The following TNRC18 variants were observed in gnomAD, a reference collection of about 807,000 sequenced individuals.
The protein encoded by TNRC18 is trinucleotide repeat-containing gene 18 protein.
Under a neutral mutation model 226.7 loss-of-function variants are expected in TNRC18, and 69 were observed. The observed-to-expected ratio is 0.30, with a 90% confidence interval of 0.25 to 0.37. TNRC18 has a LOEUF of 0.37. Ranked by LOEUF, TNRC18 falls within the 10% of genes least tolerant of loss-of-function variation. The pLI is 1.00. For synonymous variants in TNRC18, 2,449 were observed against 1,927.6 expected, an observed-to-expected ratio of 1.27 and a Z score of -7.09; for missense variants, 4,754 against 4,256.6, an observed-to-expected ratio of 1.12 and a Z score of -3.25.
At chr7:5,419,645 C>G (rs766600833) in intron 2 of TNRC18, among the ~76,000 whole-genome samples, 6 of 152,078 alleles carry the variant, frequency 3.9e-5, no homozygotes, top group Admixed American at 2.6e-4. Context: ...GGGCGGAATA[C>G]GCCCCCAGCT....
Position 5,345,640 on chromosome 7 carries a change from C to T in TNRC18, c.5641G>A (p.Val1881Met). ...FAASALPSPT[V>M]GPSLSVVQLE... ...TGTACCACAGACAGGGATGGACCCA[C>T]CGTGGGGCTGGGGAGGGCGCTGGCG... is the stretch of plus-strand genomic sequence containing the variant. Residue 1881 changes from valine to methionine, a missense_variant, in exon 18 of 30, where the codon GTG becomes ATG. Coordinates refer to ENST00000430969, the MANE Select transcript of TNRC18 (RefSeq NM_001080495.3). 6.4e-7 allele frequency: 1 copy of T among 1,557,876 alleles called. No individual in the cohort carries two copies. The highest frequency in any genetic ancestry group is 8.7e-7 in the Non-Finnish European group (1 of 1,151,128).
At chr7:5,361,274 G>T (rs926782322) in intron 14 of TNRC18, among the ~76,000 whole-genome samples, 1 of 152,216 alleles carries the variant, frequency 6.6e-6, no homozygotes, top group Non-Finnish European at 1.5e-5. Context: ...GGGTCCTTCC[G>T]CAGGGAGGAG....
At chr7:5,420,643 C>A (rs762862163) in intron 2 of TNRC18, 12 of 463,518 alleles carry the variant, frequency 2.6e-5, no homozygotes, top group African/African-American at 1.8e-4. Flanking sequence ...GGAGGGCCCA[C>A]GAGCGCCAAA....
chr7:5,387,138 A>G (rs942367987), intron 5 of TNRC18, among the ~76,000 whole-genome samples: 15 of 152,172 alleles, frequency 9.9e-5, no homozygotes, highest in African/African-American at 3.6e-4. Flanking sequence ...CTCATAAACC[A>G]CTTACAGGCA....
chr7:5,387,584 CAAAGGG>C, intron 5 of TNRC18, 82 bp downstream of exon 5: 1 of 1,531,452 alleles, frequency 6.5e-7, no homozygotes, highest in Non-Finnish European at 8.8e-7. Context: ...TTAGCAATAG[CAAAGGG>C]AAAGGGCCCA....
chr7:5,362,356 C>G (rs1793139282), intron 12 of TNRC18, among the ~76,000 whole-genome samples: 2 of 152,082 alleles, frequency 1.3e-5, no homozygotes, highest in Middle Eastern at 3.4e-3. Context: ...GCCCCAGGCC[C>G]CGTGGGCACC....
intron 5 of TNRC18, among the ~76,000 whole-genome samples, chr7:5,385,457 C>G (rs1476488686): frequency 1.4e-5 from 2 of 138,458 alleles, no homozygotes; most frequent in Non-Finnish European, 3.1e-5. Flanking sequence ...CACTGCAGTC[C>G]GCAGTCCGGC....
In TNRC18 at chr7:5,387,676, G is replaced by A; in HGVS notation, c.2148C>T (p.Val716=). 3.7e-6 allele frequency: 6 copies of A among 1,603,788 alleles called. No individual in the cohort carries two copies. Among genetic ancestry groups the A allele is most frequent in the Non-Finnish European group, 5.1e-6 (6 of 1,179,836 alleles). Reference sequence around the variant, plus strand: ...TGGGCTCTGCCCAGGACCTACCTTTGACGTTACTCAGCGACAGAGAGCGCT... The same window carrying A: ...TGGGCTCTGCCCAGGACCTACCTTTAACGTTACTCAGCGACAGAGAGCGCT... ...DQERSLSLSN[V]KGHGRADEDC... Residue 716 remains valine (V), a synonymous_variant, in exon 5 of 30, where the codon GTC becomes GTT. Coordinates refer to ENST00000430969, the MANE Select transcript of TNRC18 (RefSeq NM_001080495.3).
chr7:5,384,786 C>T lies in TNRC18; in HGVS notation c.2152+2886G>A, dbSNP rs116183960. The stretch of plus-strand genomic sequence containing the variant: ...TGTTGGCCCCTCCCTCCTTCTGTCC[C>T]AGAATAAGGCAGGTTCTCATGCAAA... On this transcript the variant is annotated intron_variant, in intron 5 of 29. Transcript: ENST00000430969. 9.8e-3 allele frequency among the ~76,000 whole-genome samples: 1,487 copies of T among 152,348 alleles called. 24 individuals are homozygous for T. Among genetic ancestry groups the T allele is most frequent in the African/African-American group, 0.034 (1,398 of 41,584 alleles).
chr7:5,416,060 C>A (rs1169115105), intron 2 of TNRC18, among the ~76,000 whole-genome samples: 3 of 148,942 alleles, frequency 2.0e-5, no homozygotes, highest in African/African-American at 7.5e-5. Context: ...TGTGGTGAGC[C>A]TAGATCGTGC....
intron 16 of TNRC18, among the ~76,000 whole-genome samples, chr7:5,354,646 A>G (rs375756677): frequency 6.6e-6 from 1 of 152,104 alleles, no homozygotes; most frequent in Non-Finnish European, 1.5e-5. Flanking sequence ...CGACACTCTC[A>G]TATGTCCTCA....
intron 18 of TNRC18, among the ~76,000 whole-genome samples, chr7:5,345,051 T>G (rs1791025939): frequency 6.6e-6 from 1 of 152,116 alleles, no homozygotes; most frequent in South Asian, 2.1e-4. Flanking sequence ...CCAGGCCACA[T>G]GAGGCCTGTC....
chr7:5,393,495 C>T (rs940627422), intron 3 of TNRC18, among the ~76,000 whole-genome samples: 4 of 152,170 alleles, frequency 2.6e-5, no homozygotes, highest in East Asian at 1.9e-4. Context: ...GACCTGGCCC[C>T]GCAGGAGGAA....
In TNRC18 at chr7:5,308,031, T is replaced by A; in HGVS notation, c.*75A>T. On this transcript the variant is annotated 3_prime_UTR_variant, in exon 30 of 30. Coordinates refer to ENST00000430969, the MANE Select transcript of TNRC18 (RefSeq NM_001080495.3). The stretch of plus-strand genomic sequence containing the variant: ...TCGCATGCACACAACGCACGTGGTC[T>A]CCGCGCCATGGCAGTGATGGAGATG... The A allele has an allele frequency of 7.2e-7, 1 of 1,394,932 alleles. No homozygotes were observed. The highest frequency in any genetic ancestry group is 9.8e-7 in the Non-Finnish European group (1 of 1,021,550). The allele number at this position is 1,394,932 out of a possible 1,614,324, so 86.4% of individuals were successfully genotyped here. A position where few individuals can be genotyped will look rare whatever the true frequency, so the allele number is the denominator to read the frequency against.
At chr7:5,333,090 G>T in intron 18 of TNRC18, 41 bp from the exon 19 acceptor site, 1 of 1,538,126 alleles carries the variant, frequency 6.5e-7, no homozygotes, top group Non-Finnish European at 8.7e-7. Context: ...AGCCTCGTGG[G>T]GACCCCTTCC....
chr7:5,308,436 C>G (rs1675187252), intron 29 of TNRC18, 124 bp from the exon 30 acceptor site: 1 of 851,498 alleles, frequency 1.2e-6, no homozygotes, highest in Non-Finnish European at 1.8e-6. Context: ...GAGACCAAGT[C>G]AGAGACAGAG....
chr7:5,358,860 T>C (rs1792735432), intron 15 of TNRC18, among the ~76,000 whole-genome samples: 1 of 151,980 alleles, frequency 6.6e-6, no homozygotes, highest in Admixed American at 6.6e-5. Context: ...CTGGACTTTA[T>C]GGGGAGGGAT....
At chr7:5,317,934 A>G (rs143909727) in intron 24 of TNRC18, among the ~76,000 whole-genome samples, 1,933 of 151,150 alleles carry the variant, frequency 0.013, 41 homozygotes, top group African/African-American at 0.044. Context: ...CAGCGGTGTG[A>G]TCTCGGCTCA....
rs1343394531 is a variant in TNRC18 at position 5,313,705 on chromosome 7, G to A, written c.7186C>T (p.Pro2396Ser). 1 of 1,595,736 alleles carries A rather than the reference G, an allele frequency of 6.3e-7. No homozygotes were observed. Among genetic ancestry groups the A allele is most frequent in the Middle Eastern group, 2.3e-4 (1 of 4,388 alleles). Reference sequence around the variant, plus strand: ...GTGAAGGCGGGTGGTGCGGGACTGGGCTGCGGCGGTGCCGGGCGCGCCTTG... The same window carrying A: ...GTGAAGGCGGGTGGTGCGGGACTGGACTGCGGCGGTGCCGGGCGCGCCTTG... ...APKARPAPPQ[P>S]SPAPPAFTSC... The change falls in exon 27 of 30, where the codon CCC becomes TCC. Residue 2396 changes from proline to serine, a missense_variant. Physicochemically the swap from Pro to Ser is moderately conservative, Grantham distance 74 (BLOSUM62 -1). Coordinates refer to ENST00000430969, the MANE Select transcript of TNRC18 (RefSeq NM_001080495.3).
Sources: gnomAD v4.1 joint callset for allele counts (sites outside exome capture counted in the v4.1 genomes callset) on GRCh38, gnomAD v4.1.1 for gene constraint, MANE v1.5 for transcripts, NCBI Gene and HGNC (gene_info 2026-07-23, HGNC 2026-07-21) for gene names.